The following SREBF2 variants were observed in gnomAD, a reference collection of about 807,000 sequenced individuals.
The protein encoded by SREBF2 is sterol regulatory element binding transcription factor 2, also known as sterol regulatory element-binding protein 2.
In SREBF2, 55 loss-of-function variants were observed where a neutral mutation model predicts 113.1. The observed-to-expected ratio is 0.49, with a 90% CI of 0.39 to 0.61. The LOEUF is 0.61. Ranked by LOEUF, SREBF2 falls within the 20% of genes least tolerant of loss-of-function variation. SREBF2 has a pLI of 0.00. For missense variants in SREBF2, 1,349 were observed against 1,487.4 expected, an observed-to-expected ratio of 0.91 and a Z score of 1.53; for synonymous variants, 593 against 605.7, an observed-to-expected ratio of 0.98 and a Z score of 0.31.
rs2077236759 is a variant in SREBF2 at position 41,880,718 on chromosome 22, A to T, written c.1764A>T (p.Gly588=). The T allele has an allele frequency of 6.8e-6, 11 of 1,614,190 alleles. No homozygotes were observed. The highest frequency in any genetic ancestry group is 8.5e-6 in the Non-Finnish European group (10 of 1,180,036). ...TAACACCTTTTGATACTTTGTAGGG[A>T]GATTTTGCAGCTGCTGCCGGCAACC... is the stretch of plus-strand genomic sequence containing the variant. ...RKQADLDLAR[G]DFAAAAGNLQ... The change falls in exon 10 of 19, where the codon GGA becomes GGT. Residue 588 remains glycine (G), a splice_region_variant and synonymous_variant. Transcript: ENST00000361204.
chr22:41,881,100 C>A, intron 10 of SREBF2, 108 bp downstream of exon 10: 1 of 1,436,682 alleles, frequency 7.0e-7, no homozygotes, highest in African/African-American at 1.4e-5. Context: ...CCCTTTAACG[C>A]TACTCTTTTA....
chr22:41,894,200 T>C (rs1056439182), intron 12 of SREBF2, among the ~76,000 whole-genome samples: 3 of 152,132 alleles, frequency 2.0e-5, no homozygotes, highest in Non-Finnish European at 2.9e-5. Context: ...GTGTCCCTCC[T>C]CCTGGTCATT....
chr22:41,877,951 G>A lies in SREBF2; in HGVS notation c.1589G>A (p.Gly530Asp). Residue 530 changes from glycine (G) to aspartate (D), a missense_variant, in exon 9 of 19, where the codon GGC becomes GAC. This residue lies in a region of SREBF2 where 699 missense variants were observed against 843.3 expected (regional missense o/e 0.83). Coordinates refer to ENST00000361204, the MANE Select transcript of SREBF2 (RefSeq NM_004599.4). Reference protein sequence around the residue: ...SVLSFESGSGGWFDWMMPTLL... With the variant: ...SVLSFESGSGDWFDWMMPTLL... ...AGACGCTCCTTCTTAGGTTCTGGGG[G>A]CTGGTTTGACTGGATGATGCCTACT... The A allele has an allele frequency of 6.2e-7, 1 of 1,614,156 alleles. No individual in the cohort carries two copies. The highest frequency in any genetic ancestry group is 8.5e-7 in the Non-Finnish European group (1 of 1,180,026).
chr22:41,864,223 CATATATATATAT>C (rs756489276), intron 1 of SREBF2, among the ~76,000 whole-genome samples: 3,166 of 46,286 alleles, frequency 0.068, 125 homozygotes, highest in Non-Finnish European at 0.081. Context: ...CTTCTGCAAG[CATATATATATAT>C]ATATATATAT....
chr22:41,850,543 T>G (rs1194257774), intron 1 of SREBF2, among the ~76,000 whole-genome samples: 2 of 152,030 alleles, frequency 1.3e-5, no homozygotes, highest in African/African-American at 4.8e-5. Context: ...GTCTTACAGC[T>G]TTTCCCCAAG....
At chr22:41,848,082 A>AT (rs937227268) in intron 1 of SREBF2, among the ~76,000 whole-genome samples, 45 of 150,636 alleles carry the variant, frequency 3.0e-4, no homozygotes, top group African/African-American at 7.8e-4. Context: ...CGCCCAGCTA[A>AT]TTTTTTTTTG....
chr22:41,903,295 C>T, intron 17 of SREBF2, 140 bp downstream of exon 17: 1 of 1,049,154 alleles, frequency 9.5e-7, no homozygotes. Flanking sequence ...ACCTGCTTGG[C>T]TCGTGCCCAA....
At chr22:41,900,242 G>A in intron 15 of SREBF2, 88 bp from the exon 16 acceptor site, 1 of 1,571,590 alleles carries the variant, frequency 6.4e-7, no homozygotes. Flanking sequence ...ATCAGTGTGG[G>A]GCGTGGCAGT....
chr22:41,839,389 AGT>A (rs2076807020), intron 1 of SREBF2, among the ~76,000 whole-genome samples: 1 of 152,088 alleles, frequency 6.6e-6, no homozygotes, highest in South Asian at 2.1e-4. Flanking sequence ...AGGTTAGGAA[AGT>A]GTTAGCTTTT....
At chr22:41,904,139 A>G (rs533690725) in intron 17 of SREBF2, among the ~76,000 whole-genome samples, 12 of 152,070 alleles carry the variant, frequency 7.9e-5, no homozygotes, top group Non-Finnish European at 1.3e-4. Flanking sequence ...CGGCCTCCCA[A>G]AGTGCTGGGA....
At chr22:41,870,832 A>G (rs1374080305) in intron 3 of SREBF2, 57 bp from the exon 4 acceptor site, 2 of 1,590,888 alleles carry the variant, frequency 1.3e-6, no homozygotes, top group Non-Finnish European at 1.7e-6. Context: ...TAAGAAAGGA[A>G]TGCATAACAG....
intron 15 of SREBF2, 164 bp downstream of exon 15, chr22:41,898,945 A>G: frequency 9.9e-7 from 1 of 1,005,880 alleles, no homozygotes; most frequent in South Asian, 1.4e-5. Flanking sequence ...TGGAGAACTC[A>G]AGTTGGGCCA....
intron 1 of SREBF2, among the ~76,000 whole-genome samples, chr22:41,836,000 T>C (rs1264967431): frequency 6.6e-6 from 1 of 152,220 alleles, no homozygotes; most frequent in African/African-American, 2.4e-5. Flanking sequence ...CTGAATAAAA[T>C]GGAAACTACC....
At chr22:41,884,725 A>G in intron 10 of SREBF2, 117 bp from the exon 11 acceptor site, 1 of 1,113,028 alleles carries the variant, frequency 9.0e-7, no homozygotes, top group Non-Finnish European at 1.4e-6. Context: ...GTCTGATCAC[A>G]AAGTTCACCT....
At position 41,833,239 on chromosome 22, in the gene SREBF2, C is replaced by T; in HGVS notation, c.-32C>T. On this transcript the variant is annotated 5_prime_UTR_variant, in exon 1 of 19. It adds an upstream start codon to the 5' untranslated region. Coordinates refer to ENST00000361204, the MANE Select transcript of SREBF2 (RefSeq NM_004599.4). The surrounding 1 kb of genome is among the most constrained non-coding windows in gnomAD (Gnocchi z 4.1). ...CGCCCCCGCGTCTCCCTGAGCGGGA[C>T]GGCAGGGGGGGCTTCTGCGCTGAGC... 1.3e-6 allele frequency: 2 copies of T among 1,502,400 alleles called. No homozygotes were observed. Among genetic ancestry groups the T allele is most frequent in the South Asian group, 1.2e-5 (1 of 80,160 alleles). The allele number at this position is 1,502,400 out of a possible 1,614,324, so 93.1% of individuals were successfully genotyped here. A position where few individuals can be genotyped will look rare whatever the true frequency, so the allele number is the denominator to read the frequency against.
chr22:41,900,545 T>C, intron 16 of SREBF2, 47 bp downstream of exon 16: 1 of 1,588,134 alleles, frequency 6.3e-7, no homozygotes, highest in Non-Finnish European at 8.6e-7. Flanking sequence ...TCTGCACTGG[T>C]TTACGAGAAC....
intron 9 of SREBF2, chr22:41,878,589 A>T: frequency 2.8e-6 from 3 of 1,076,558 alleles, no homozygotes; most frequent in Non-Finnish European, 3.8e-6. Flanking sequence ...TTTATTCCCA[A>T]TTCTCTATAG....
intron 5 of SREBF2, among the ~76,000 whole-genome samples, chr22:41,874,566 C>A (rs1430850127): frequency 2.6e-5 from 4 of 152,174 alleles, no homozygotes; most frequent in Admixed American, 1.3e-4. Flanking sequence ...ATTTTCCTTG[C>A]CTACAAATCT....
At chr22:41,837,430 C>T (rs1351401410) in intron 1 of SREBF2, among the ~76,000 whole-genome samples, 1 of 151,624 alleles carries the variant, frequency 6.6e-6, no homozygotes, top group Non-Finnish European at 1.5e-5. Context: ...TGGTGGTACA[C>T]GCCTATAGTC....
Sources: allele counts gnomAD v4.1 joint callset (sites outside exome capture counted in the v4.1 genomes callset), GRCh38; gene constraint gnomAD v4.1.1; regional missense constraint gnomAD v4.1.1; non-coding constraint Gnocchi (gnomAD v3.1); transcripts MANE v1.5; gene names NCBI Gene and HGNC (gene_info 2026-07-23, HGNC 2026-07-21).